Variants in TMEM132C observed in about 807,000 individuals in gnomAD.
The protein encoded by TMEM132C is transmembrane protein 132C, also known as protein phosphatase 1, regulatory subunit 152.
A neutral mutation model predicts 61.4 loss-of-function variants in TMEM132C; 29 were observed. The observed-to-expected ratio is 0.47, with a 90% confidence interval of 0.35 to 0.64. TMEM132C has a LOEUF of 0.64. TMEM132C is among the 30% of genes least tolerant of loss of function. The probability of loss-of-function intolerance (pLI) is 0.00; values close to 1 mark genes in which losing one functional copy is unlikely to be tolerated. For missense variants in TMEM132C, 1,408 were observed against 1,476.9 expected (o/e 0.95, Z 0.76); for synonymous variants, 656 against 633.1 (o/e 1.04, Z -0.54).
rs1870771560 is a variant in TMEM132C at position 128,278,662 on chromosome 12, T to C, written c.85+11175T>C. 6.6e-6 allele frequency among the ~76,000 whole-genome samples: 1 copy of C among 152,088 alleles called. No individual in the cohort carries two copies. The highest frequency in any genetic ancestry group is 1.5e-5 in the Non-Finnish European group (1 of 68,026). The stretch of plus-strand genomic sequence containing the variant: ...TCAGCTTTTTACTAAACCCCGGTGG[T>C]CAGGGTGTCCATGATGACTAAGTTT... On this transcript the variant is annotated intron_variant, in intron 1 of 8. Transcript: ENST00000435159. This position sits in a 1 kb window ranked among gnomAD's most constrained non-coding sequence, Gnocchi z 4.2.
chr12:128,546,564 C>T (rs552901671), intron 3 of TMEM132C, among the ~76,000 whole-genome samples: 2 of 152,250 alleles, frequency 1.3e-5, no homozygotes, highest in African/African-American at 4.8e-5. Flanking sequence ...TTTCCACAGT[C>T]AGCCATCCTG....
At chr12:128,666,066 CACAA>C (rs1191471742) in intron 4 of TMEM132C, among the ~76,000 whole-genome samples, 1 of 118,860 alleles carries the variant, frequency 8.4e-6, no homozygotes, top group East Asian at 2.3e-4. Context: ...GGCACTCATA[CACAA>C]ACACACAGGC....
intron 1 of TMEM132C, among the ~76,000 whole-genome samples, chr12:128,357,751 C>G (rs1873561825): frequency 6.6e-6 from 1 of 151,788 alleles, no homozygotes; most frequent in Non-Finnish European, 1.5e-5. Flanking sequence ...TCCCCCTTCT[C>G]CCAGCCAAGG....
At chr12:128,454,178 C>T (rs144033034) in intron 2 of TMEM132C, among the ~76,000 whole-genome samples, 23 of 152,260 alleles carry the variant, frequency 1.5e-4, no homozygotes, top group African/African-American at 2.2e-4. Flanking sequence ...ATTCACACAT[C>T]GAATAATAAT....
chr12:128,518,758 T>G (rs915062557), intron 2 of TMEM132C, among the ~76,000 whole-genome samples: 2 of 150,218 alleles, frequency 1.3e-5, no homozygotes, highest in African/African-American at 4.9e-5. Context: ...GTGTGTGTGG[T>G]GTGTGTGTGT....
chr12:128,364,842 C>A (rs1047798390), intron 1 of TMEM132C, among the ~76,000 whole-genome samples: 11 of 152,210 alleles, frequency 7.2e-5, no homozygotes, highest in Non-Finnish European at 8.8e-5. Context: ...CCATGCCCAG[C>A]ATTCTGAGTG....
chr12:128,298,477 A>G (rs909905380), intron 1 of TMEM132C, among the ~76,000 whole-genome samples: 1 of 152,156 alleles, frequency 6.6e-6, no homozygotes, highest in Non-Finnish European at 1.5e-5. Flanking sequence ...GAGAGCCCCA[A>G]GTCCCCTTCA....
At chr12:128,329,944 G>A (rs59175752) in intron 1 of TMEM132C, among the ~76,000 whole-genome samples, 7,156 of 152,262 alleles carry the variant, frequency 0.047, 538 homozygotes, top group African/African-American at 0.16. Flanking sequence ...TGACAGCCTC[G>A]GTGCTAGATG....
rs112399839 is a variant in TMEM132C, at chr12:128,606,042, A to G, written c.1122-10110A>G. Among the ~76,000 whole-genome samples the G allele has an allele frequency of 6.3e-3, 957 of 152,344 alleles. 6 individuals carry two copies. The highest frequency in any genetic ancestry group is 0.017 in the Middle Eastern group (5 of 294). On this transcript the variant is annotated intron_variant, in intron 3 of 8. Transcript: ENST00000435159. Reference sequence around the variant, plus strand: ...AGGGCCCACCATTGCAGCACTGGGAAGCCCACTGTGATGTCTGTGGAGCAC... The same window carrying G: ...AGGGCCCACCATTGCAGCACTGGGAGGCCCACTGTGATGTCTGTGGAGCAC...
chr12:128,478,293 T>A (rs143674669), intron 2 of TMEM132C, among the ~76,000 whole-genome samples: 210 of 152,368 alleles, frequency 1.4e-3, no homozygotes, highest in African/African-American at 4.7e-3. Flanking sequence ...GTTGTTTTTT[T>A]ATTTTTTTAT....
Position 128,586,011 on chromosome 12 carries a change from GACTGT to G in TMEM132C, c.1122-30138_1122-30134del, listed in dbSNP as rs752107815. 3.9e-5 allele frequency among the ~76,000 whole-genome samples: 6 copies of G among 152,268 alleles called. No homozygotes were observed. In the East Asian group the frequency reaches 7.7e-4, roughly 20 times the overall value. On this transcript the variant is annotated intron_variant, in intron 3 of 8. Transcript: ENST00000435159. ...CAACATGAATGTGCTTCATGCTGAG[GACTGT>G]ACCCCTAAAAACGGTGCAGATCGCA...
chr12:128,321,897 A>G (rs979834548), intron 1 of TMEM132C, among the ~76,000 whole-genome samples: 4 of 152,188 alleles, frequency 2.6e-5, no homozygotes, highest in Non-Finnish European at 5.9e-5. Flanking sequence ...GACTGAAGAC[A>G]GGATGTGGTG....
intron 1 of TMEM132C, among the ~76,000 whole-genome samples, chr12:128,271,286 AT>A (rs1213077209): frequency 2.7e-4 from 31 of 113,608 alleles, no homozygotes; most frequent in African/African-American, 9.5e-4. Context: ...AATAATAATA[AT>A]AATAATAATA....
At chr12:128,528,801 C>T (rs372554222) in intron 2 of TMEM132C, among the ~76,000 whole-genome samples, 2 of 152,142 alleles carry the variant, frequency 1.3e-5, no homozygotes, top group African/African-American at 4.8e-5. Context: ...CATGGCTCAC[C>T]GTGGGGCTTT....
At chr12:128,665,629 ACACACACACACACACCCAGG>A in intron 4 of TMEM132C, among the ~76,000 whole-genome samples, 1 of 151,226 alleles carries the variant, frequency 6.6e-6, no homozygotes, top group East Asian at 2.0e-4. Context: ...AGGCACACAC[ACACACACACACACACCCAGG>A]CACATGTACC....
chr12:128,469,329 G>A (rs1163293623), intron 2 of TMEM132C, among the ~76,000 whole-genome samples: 1 of 135,396 alleles, frequency 7.4e-6, no homozygotes. Context: ...CATAAAGCAT[G>A]CTTTTTTTTT....
At chr12:128,506,325 A>G (rs1872358551) in intron 2 of TMEM132C, among the ~76,000 whole-genome samples, 1 of 152,204 alleles carries the variant, frequency 6.6e-6, no homozygotes, top group African/African-American at 2.4e-5. Context: ...CCTATGAACC[A>G]GAAAAACACA....
At chr12:128,385,246 G>A (rs1171869011) in intron 1 of TMEM132C, among the ~76,000 whole-genome samples, 1 of 150,734 alleles carries the variant, frequency 6.6e-6, no homozygotes, top group Non-Finnish European at 1.5e-5. Flanking sequence ...CCGAGTCCTC[G>A]CACAGAGCCT....
intron 3 of TMEM132C, among the ~76,000 whole-genome samples, chr12:128,555,622 C>T (rs1442270865): frequency 3.3e-5 from 5 of 152,152 alleles, no homozygotes; most frequent in African/African-American, 1.2e-4. Context: ...CAGTAGGCTT[C>T]AGGCCTTTGG....
Sources: gnomAD v4.1 joint callset for allele counts (sites outside exome capture counted in the v4.1 genomes callset) on GRCh38, gnomAD v4.1.1 for gene constraint, Gnocchi (gnomAD v3.1) non-coding constraint, MANE v1.5 for transcripts, NCBI Gene and HGNC (gene_info 2026-07-23, HGNC 2026-07-21) for gene names.